Variants in GTF2F2 observed in about 807,000 individuals in gnomAD.
The protein encoded by GTF2F2 is ATP-dependent helicase GTF2F2.
A neutral mutation model predicts 42.2 loss-of-function variants in GTF2F2; 23 were observed. That is an observed-to-expected ratio of 0.55 (90% CI 0.39 to 0.77). GTF2F2 has a LOEUF of 0.77. Ranked by LOEUF, GTF2F2 falls within the 30% of genes least tolerant of loss-of-function variation. The pLI, the probability that GTF2F2 is intolerant of heterozygous loss-of-function variation, is 0.00. For missense variants in GTF2F2, 261 were observed against 287.2 expected (o/e 0.91, Z 0.66); for synonymous variants, 105 against 100.8 (o/e 1.04, Z -0.25).
At chr13:45,188,996 T>C (rs985115486) in intron 4 of GTF2F2, among the ~76,000 whole-genome samples, 1 of 152,112 alleles carries the variant, frequency 6.6e-6, no homozygotes, top group African/African-American at 2.4e-5. Flanking sequence ...GTTGGTTTGC[T>C]ACACCCATCA....
At chr13:45,265,857 T>A (rs1876540568) in intron 6 of GTF2F2, among the ~76,000 whole-genome samples, 1 of 152,202 alleles carries the variant, frequency 6.6e-6, no homozygotes, top group South Asian at 2.1e-4. Context: ...TTATAATTAT[T>A]CCAGCTGACC....
rs369829244 is a variant in GTF2F2, at chr13:45,194,607, G to A, written c.305-12817G>A. 20 of 1,559,452 alleles carry A rather than the reference G, an allele frequency of 1.3e-5. No individual in the cohort carries two copies. The African/African-American group carries it at 2.8e-4, about 21-fold the overall frequency. On this transcript the variant is annotated intron_variant, in intron 4 of 7. Transcript: ENST00000340473. ...ATTTCAGCTTGTTCTTCTTGGCTTTGAGATTTTTTAAAAAGAGACACTACC... is the reference window on the plus strand; with the variant it reads ...ATTTCAGCTTGTTCTTCTTGGCTTTAAGATTTTTTAAAAAGAGACACTACC...
At chr13:45,133,899 T>C (rs1259962124) in intron 1 of GTF2F2, among the ~76,000 whole-genome samples, 3 of 152,104 alleles carry the variant, frequency 2.0e-5, no homozygotes, top group Non-Finnish European at 4.4e-5. Flanking sequence ...AGTGCACTCA[T>C]TAAAGATATC....
intron 5 of GTF2F2, among the ~76,000 whole-genome samples, chr13:45,239,366 CAG>C (rs918244704): frequency 8.5e-4 from 130 of 152,290 alleles, no homozygotes; most frequent in African/African-American, 3.0e-3. Flanking sequence ...GTCTAGCTAA[CAG>C]AGGTAATATA....
intron 6 of GTF2F2, among the ~76,000 whole-genome samples, chr13:45,266,101 A>G (rs1293697162): frequency 6.6e-6 from 1 of 152,220 alleles, no homozygotes; most frequent in Non-Finnish European, 1.5e-5. Context: ...GAACTTCTTC[A>G]TTGTGTTAGT....
chr13:45,217,335 A>G lies in GTF2F2; in HGVS notation c.386+9830A>G, dbSNP rs533442766. Among the ~76,000 whole-genome samples, 4 of 152,054 alleles carry G rather than the reference A, an allele frequency of 2.6e-5. No individual in the cohort carries two copies. The South Asian group carries it at 8.3e-4, about 32-fold the overall frequency. ...AAAAAAAGATTCAGCTCAAATGGGA[A>G]ATCTCCCTGACCGTTTCTCTTCACA... On this transcript the variant is annotated intron_variant, in intron 5 of 7. Coordinates refer to ENST00000340473, the MANE Select transcript of GTF2F2 (RefSeq NM_004128.3).
chr13:45,205,569 G>C (rs1873379315), intron 4 of GTF2F2, among the ~76,000 whole-genome samples: 1 of 152,216 alleles, frequency 6.6e-6, no homozygotes, highest in South Asian at 2.1e-4. Context: ...TGCCAGGCTG[G>C]AGTGCAGTGG....
intron 5 of GTF2F2, among the ~76,000 whole-genome samples, chr13:45,246,439 T>C (rs1478453496): frequency 6.6e-6 from 1 of 152,236 alleles, no homozygotes. Flanking sequence ...CTATTGAATC[T>C]GTTTTCAAAA....
intron 4 of GTF2F2, among the ~76,000 whole-genome samples, chr13:45,174,627 CTTTTTTCTTTTTTTTTTTTTT>C (rs1280266772): frequency 1.1e-5 from 1 of 92,212 alleles, no homozygotes; most frequent in Non-Finnish European, 2.3e-5. Context: ...GCACTGTTTT[CTTTTTTCTTTTTTTTTTTTTT>C]TTTTTTTAGA....
chr13:45,267,236 G>T lies in GTF2F2; in HGVS notation c.490G>T (p.Glu164Ter). 6.2e-7 allele frequency: 1 copy of T among 1,610,858 alleles called. No homozygotes were observed. ...KPVANHQYNIEYERKKKEDGK... is the reference protein window; with the variant it reads ...KPVANHQYNI ...TTCCTTTGCTGTTTGCATATAGATC[G>T]AATATGAAAGGAAAAAGAAAGAAGA... The change falls in exon 7 of 8, where the codon GAA becomes TAA. Residue 164 changes from glutamate (E) to a stop codon, truncating the protein, a stop_gained. Coordinates refer to ENST00000340473, the MANE Select transcript of GTF2F2 (RefSeq NM_004128.3). LOFTEE classifies it high-confidence loss of function.
intron 5 of GTF2F2, among the ~76,000 whole-genome samples, chr13:45,252,492 A>T (rs1875920620): frequency 6.6e-6 from 1 of 152,154 alleles, no homozygotes. Flanking sequence ...AGCTGAGTAG[A>T]CATTTTGAAT....
At chr13:45,180,467 C>T (rs574866121) in intron 4 of GTF2F2, among the ~76,000 whole-genome samples, 26 of 152,142 alleles carry the variant, frequency 1.7e-4, no homozygotes, top group Middle Eastern at 3.4e-3. Context: ...TGTAATATAT[C>T]TTCCTCAAAG....
At chr13:45,169,888 A>T (rs574654840) in intron 4 of GTF2F2, among the ~76,000 whole-genome samples, 1 of 152,236 alleles carries the variant, frequency 6.6e-6, no homozygotes, top group Non-Finnish European at 1.5e-5. Context: ...GTTTACATGG[A>T]CACAACCAGT....
chr13:45,236,018 A>T (rs539359023), intron 5 of GTF2F2, among the ~76,000 whole-genome samples: 5 of 152,338 alleles, frequency 3.3e-5, no homozygotes, highest in African/African-American at 1.2e-4. Flanking sequence ...GTCTTATTGT[A>T]GTAGTCTTGT....
chr13:45,191,627 A>G (rs1872662535), intron 4 of GTF2F2, among the ~76,000 whole-genome samples: 1 of 152,142 alleles, frequency 6.6e-6, no homozygotes, highest in African/African-American at 2.4e-5. Flanking sequence ...AGGCATTTGA[A>G]TATATAAATC....
intron 3 of GTF2F2, among the ~76,000 whole-genome samples, 175 bp downstream of exon 3, chr13:45,149,963 G>A (rs1048949936): frequency 6.6e-6 from 1 of 152,136 alleles, no homozygotes; most frequent in African/African-American, 2.4e-5. Context: ...CCCTTTTCTA[G>A]TTGTTCATTC....
At chr13:45,214,579 T>G (rs1460785921) in intron 5 of GTF2F2, among the ~76,000 whole-genome samples, 1 of 151,736 alleles carries the variant, frequency 6.6e-6, no homozygotes, top group Non-Finnish European at 1.5e-5. Flanking sequence ...CTACTTCTCT[T>G]ACTTTTTCTT....
intron 6 of GTF2F2, among the ~76,000 whole-genome samples, chr13:45,253,537 C>T (rs188846553): frequency 6.6e-6 from 1 of 152,182 alleles, no homozygotes; most frequent in South Asian, 2.1e-4. Context: ...AAACTTTATG[C>T]AGTTTCAGTG....
chr13:45,185,994 AG>A (rs1170623225), intron 4 of GTF2F2, among the ~76,000 whole-genome samples: 2 of 150,716 alleles, frequency 1.3e-5, no homozygotes, highest in Non-Finnish European at 3.0e-5. Flanking sequence ...TTTTTTCTTG[AG>A]GCAGAATCTC....
Sources: allele counts gnomAD v4.1 joint callset (sites outside exome capture counted in the v4.1 genomes callset), GRCh38; gene constraint gnomAD v4.1.1; transcripts MANE v1.5; gene names NCBI Gene and HGNC (gene_info 2026-07-23, HGNC 2026-07-21).